Variants in CMBL observed in about 807,000 individuals in gnomAD.
CMBL encodes carboxymethylenebutenolidase homolog.
In CMBL, 17 loss-of-function variants were observed where a neutral mutation model predicts 28.7. That is an observed-to-expected ratio of 0.59 (90% CI 0.41 to 0.89). CMBL has a LOEUF of 0.89. CMBL is among the 40% of genes least tolerant of loss of function. The pLI, the probability that CMBL is intolerant of heterozygous loss-of-function variation, is 0.00. For missense variants in CMBL, 310 were observed against 298.5 expected (o/e 1.04, Z -0.28); for synonymous variants, 106 against 101.6 (o/e 1.04, Z -0.26).
chr5:10,278,893 C>T lies in CMBL; in HGVS notation c.*1560G>A, dbSNP rs779277348. ...CAGGTTGGACACTCAGGAATCAGGC[C>T]GTCTGTGAGGTCAAAGAAGGATCCC... On this transcript the variant is annotated 3_prime_UTR_variant, in exon 6 of 6. Coordinates refer to ENST00000296658, the MANE Select transcript of CMBL (RefSeq NM_138809.4). Among the ~76,000 whole-genome samples, 1 of 152,058 alleles carries T rather than the reference C, an allele frequency of 6.6e-6. No individual in the cohort carries two copies. Among genetic ancestry groups the T allele is most frequent in the Non-Finnish European group, 1.5e-5 (1 of 68,018 alleles).
At position 10,292,133 on chromosome 5, in the gene CMBL, C is replaced by T. The variant is rs919616985; in HGVS notation, c.-19-1352G>A. Reference sequence around the variant, plus strand: ...TGAACAATCAACTGAGATAACTCACCGCCATCAGGCCTGCCTAAATTTAAA... The same window carrying T: ...TGAACAATCAACTGAGATAACTCACTGCCATCAGGCCTGCCTAAATTTAAA... On this transcript the variant is annotated intron_variant, in intron 1 of 5. Coordinates refer to ENST00000296658, the MANE Select transcript of CMBL (RefSeq NM_138809.4). 5 of 152,182 alleles carry T rather than the reference C, an allele frequency of 3.3e-5. 1 individual carries two copies. Among genetic ancestry groups the T allele is most frequent in the African/African-American group, 7.2e-5 (3 of 41,440 alleles). 9.4% of individuals were successfully genotyped at this position (152,182 alleles called of 1,614,324 possible).
chr5:10,280,785 T>C (rs999674687), intron 5 of CMBL, among the ~76,000 whole-genome samples, 153 bp from the exon 6 acceptor site: 7 of 152,232 alleles, frequency 4.6e-5, no homozygotes, highest in African/African-American at 1.7e-4. Context: ...ACTAATTTTT[T>C]TCTTTTTAGA....
At position 10,289,737 on chromosome 5, in the gene CMBL, A is replaced by G. The variant is rs1196274586; in HGVS notation, c.215+811T>C. ...GGGGACGTGAAAAAGGAAAACTTCA[A>G]GGAAGGTCTTTTCATTCAGCACCGA... On this transcript the variant is annotated intron_variant, in intron 2 of 5. Coordinates refer to ENST00000296658, the MANE Select transcript of CMBL (RefSeq NM_138809.4). This position sits in a 1 kb window ranked among gnomAD's most constrained non-coding sequence, Gnocchi z 4.3. Among the ~76,000 whole-genome samples the G allele has an allele frequency of 6.6e-6, 1 of 152,212 alleles. No individual in the cohort carries two copies. Among genetic ancestry groups the G allele is most frequent in the Non-Finnish European group, 1.5e-5 (1 of 68,032 alleles).
intron 2 of CMBL, 145 bp downstream of exon 2, chr5:10,290,403 T>C (rs773342709): frequency 1.5e-6 from 1 of 671,074 alleles, no homozygotes; most frequent in African/African-American, 1.8e-5. Context: ...TTCCCATCTA[T>C]CTTCACGGCA....
chr5:10,288,244 G>T (rs1481770144), intron 3 of CMBL, among the ~76,000 whole-genome samples, 178 bp downstream of exon 3: 1 of 151,992 alleles, frequency 6.6e-6, no homozygotes, highest in Non-Finnish European at 1.5e-5. Flanking sequence ...TCCAGCCTGG[G>T]CTCCAACAGA....
chr5:10,279,329 C>G lies in CMBL; in HGVS notation c.*1124G>C, dbSNP rs1245869824. The G allele has an allele frequency of 6.6e-6, 1 of 152,180 alleles. No individual in the cohort carries two copies. Among genetic ancestry groups the G allele is most frequent in the African/African-American group, 2.4e-5 (1 of 41,438 alleles). The allele number at this position is 152,180 out of a possible 1,614,324, so 9.4% of individuals were successfully genotyped here. A position where few individuals can be genotyped will look rare whatever the true frequency, so the allele number is the denominator to read the frequency against. On this transcript the variant is annotated 3_prime_UTR_variant, in exon 6 of 6. Coordinates refer to ENST00000296658, the MANE Select transcript of CMBL (RefSeq NM_138809.4). ...CTTAATATAATTAGGTCAATGGAATCCTGTTTTGATCTCAATACTTCCCAT... is the reference window on the plus strand; with the variant it reads ...CTTAATATAATTAGGTCAATGGAATGCTGTTTTGATCTCAATACTTCCCAT...
intron 1 of CMBL, among the ~76,000 whole-genome samples, chr5:10,291,578 G>A (rs932285157): frequency 2.6e-5 from 4 of 151,570 alleles, no homozygotes; most frequent in African/African-American, 9.7e-5. Flanking sequence ...GGAGAATGGC[G>A]TGAACCCGGG....
At chr5:10,305,821 G>A (rs779430274) in intron 1 of CMBL, among the ~76,000 whole-genome samples, 7 of 151,970 alleles carry the variant, frequency 4.6e-5, no homozygotes, top group South Asian at 2.1e-4. Context: ...CATCCACCTC[G>A]GCCTCCCAAA....
At chr5:10,287,896 T>G (rs940041246) in intron 3 of CMBL, among the ~76,000 whole-genome samples, 2 of 151,708 alleles carry the variant, frequency 1.3e-5, no homozygotes, top group Non-Finnish European at 2.9e-5. Flanking sequence ...TTTGTTTGTT[T>G]GTTTTTTGTA....
chr5:10,284,092 A>G (rs1280996542), intron 4 of CMBL, among the ~76,000 whole-genome samples: 1 of 152,224 alleles, frequency 6.6e-6, no homozygotes, highest in Non-Finnish European at 1.5e-5. Context: ...TAGCAAAGCT[A>G]CTTCATGTGG....
chr5:10,304,420 CT>C (rs1340807187), intron 1 of CMBL, among the ~76,000 whole-genome samples: 1 of 152,144 alleles, frequency 6.6e-6, no homozygotes, highest in African/African-American at 2.4e-5. Flanking sequence ...CCTCCTATAG[CT>C]TATTGAATCT....
intron 1 of CMBL, among the ~76,000 whole-genome samples, chr5:10,294,606 A>C (rs1746778348): frequency 6.6e-6 from 1 of 152,186 alleles, no homozygotes; most frequent in African/African-American, 2.4e-5. Context: ...TTTAAGAAGA[A>C]ATCATCAAGT....
chr5:10,285,354 A>G (rs1746579605), intron 4 of CMBL, among the ~76,000 whole-genome samples: 5 of 152,102 alleles, frequency 3.3e-5, no homozygotes, highest in Admixed American at 3.3e-4. Context: ...TTTTTAGTAG[A>G]GACGGGGTTT....
chr5:10,292,250 C>G (rs889594361), intron 1 of CMBL: 1 of 152,142 alleles, frequency 6.6e-6, no homozygotes, highest in African/African-American at 2.4e-5. Flanking sequence ...CTTGCCCCGG[C>G]TGGAGTGCAG....
At chr5:10,303,653 G>A (rs1314836226) in intron 1 of CMBL, among the ~76,000 whole-genome samples, 2 of 152,084 alleles carry the variant, frequency 1.3e-5, no homozygotes, top group Non-Finnish European at 2.9e-5. Flanking sequence ...TCTTCACCAA[G>A]GAGACCCCAG....
At chr5:10,301,803 T>C (rs1445064192) in intron 1 of CMBL, among the ~76,000 whole-genome samples, 2 of 151,998 alleles carry the variant, frequency 1.3e-5, no homozygotes, top group South Asian at 4.2e-4. Context: ...GGTTTCACCA[T>C]GTTCGCCAGG....
In CMBL at chr5:10,280,626, A is replaced by AAGAT. The variant is rs747092109; in HGVS notation, c.561_564dup (p.Leu189IlefsTer14). 5.0e-6 allele frequency: 8 copies of AAGAT among 1,602,874 alleles called. No homozygotes were observed. The African/African-American group carries it at 1.1e-4, about 21-fold the overall frequency. ...TGTTCTTTCAACTTCTGAGTCAGCAAAGATACCTGGTGTGCAAAAGATTTC... is the reference window on the plus strand; with the variant it reads ...TGTTCTTTCAACTTCTGAGTCAGCAAAGATAGATACCTGGTGTGCAAAAGATTTC... On this transcript the variant is annotated frameshift_variant, in exon 6 of 6. Coordinates refer to ENST00000296658, the MANE Select transcript of CMBL (RefSeq NM_138809.4). LOFTEE classifies it high-confidence loss of function.
intron 5 of CMBL, 96 bp downstream of exon 5, chr5:10,282,101 A>C (rs191194340): frequency 1.2e-6 from 1 of 806,364 alleles, no homozygotes; most frequent in Non-Finnish European, 2.1e-6. Context: ...TGGAGGTTGC[A>C]GTGAGCCGAG....
At chr5:10,298,138 G>A (rs962202554) in intron 1 of CMBL, among the ~76,000 whole-genome samples, 10 of 151,660 alleles carry the variant, frequency 6.6e-5, no homozygotes, top group Admixed American at 6.6e-4. Context: ...GGACCTGTGG[G>A]GGGAGGAGGG....
Sources: allele counts gnomAD v4.1 joint callset (sites outside exome capture counted in the v4.1 genomes callset), GRCh38; gene constraint gnomAD v4.1.1; non-coding constraint Gnocchi (gnomAD v3.1); transcripts MANE v1.5; gene names NCBI Gene and HGNC (gene_info 2026-07-23, HGNC 2026-07-21).